LOC128092253: variants seen among roughly 807,000 people sequenced by gnomAD.
At chr6:133,975,638 A>G in the LOC128092253 span, among the ~76,000 whole-genome samples, 2 of 152,230 alleles carry the variant, frequency 1.3e-5, no homozygotes, top group African/African-American at 4.8e-5. Flanking sequence ...CAATAACTAA[A>G]TGAAGTATTA....
At chr6:133,963,691 G>T in the LOC128092253 span, among the ~76,000 whole-genome samples, 2 of 151,902 alleles carry the variant, frequency 1.3e-5, no homozygotes, top group Non-Finnish European at 2.9e-5. Flanking sequence ...AAAGTGCTGG[G>T]ATTACAGGCA....
chr6:133,962,191 T>C, the LOC128092253 span, among the ~76,000 whole-genome samples: 6 of 152,226 alleles, frequency 3.9e-5, no homozygotes, highest in Admixed American at 3.3e-4. Flanking sequence ...GGGTGGGAAG[T>C]CCACTGCATT....
At chr6:133,961,610 G>C in the LOC128092253 span, among the ~76,000 whole-genome samples, 1 of 151,776 alleles carries the variant, frequency 6.6e-6, no homozygotes, top group African/African-American at 2.4e-5. Flanking sequence ...TGGGATTACA[G>C]GTGCACATCA....
At chr6:133,976,286 G>A in the LOC128092253 span, among the ~76,000 whole-genome samples, 1 of 152,108 alleles carries the variant, frequency 6.6e-6, no homozygotes, top group African/African-American at 2.4e-5. Flanking sequence ...AGTTTGAAAT[G>A]TTCGATTTCA....
chr6:133,956,279 A>G, the LOC128092253 span, among the ~76,000 whole-genome samples: 33 of 152,180 alleles, frequency 2.2e-4, 1 homozygote, highest in Non-Finnish European at 7.4e-5. Flanking sequence ...TGACATTCGA[A>G]CTAATAAAGA....
the LOC128092253 span, among the ~76,000 whole-genome samples, chr6:133,977,627 T>C: frequency 6.6e-6 from 1 of 152,236 alleles, no homozygotes; most frequent in Non-Finnish European, 1.5e-5. Context: ...AGTTGCCTTG[T>C]GGTAGCTTAT....
the LOC128092253 span, among the ~76,000 whole-genome samples, chr6:133,957,899 G>T: frequency 6.6e-6 from 1 of 152,330 alleles, no homozygotes; most frequent in Admixed American, 6.5e-5. Flanking sequence ...TTATTTTAAA[G>T]GTGAACTGTT....
At chr6:133,965,123 T>C in the LOC128092253 span, among the ~76,000 whole-genome samples, 137 of 152,350 alleles carry the variant, frequency 9.0e-4, no homozygotes, top group Middle Eastern at 0.01. Context: ...TTTACACTTG[T>C]AAATGAAACT....
chr6:133,958,608 A>G, the LOC128092253 span, among the ~76,000 whole-genome samples: 6 of 152,172 alleles, frequency 3.9e-5, no homozygotes, highest in African/African-American at 9.7e-5. Context: ...TTAAGTCCAA[A>G]TGTTTTAGTT....
At chr6:133,977,777 AG>A in the LOC128092253 span, among the ~76,000 whole-genome samples, 2 of 147,218 alleles carry the variant, frequency 1.4e-5, no homozygotes, top group African/African-American at 5.3e-5. Context: ...TCACAGCGTC[AG>A]GGGCCAGGCT....
At chr6:133,956,611 CGTT>C in the LOC128092253 span, among the ~76,000 whole-genome samples, 1 of 152,112 alleles carries the variant, frequency 6.6e-6, no homozygotes, top group African/African-American at 2.4e-5. Context: ...TTGAAGATTA[CGTT>C]GTTAATAGAA....
the LOC128092253 span, among the ~76,000 whole-genome samples, chr6:133,954,501 A>C: frequency 6.6e-6 from 1 of 152,244 alleles, no homozygotes; most frequent in Non-Finnish European, 1.5e-5. Context: ...TGGTATGCCC[A>C]GTGAAATATC....
the LOC128092253 span, among the ~76,000 whole-genome samples, chr6:133,958,878 T>A: frequency 6.6e-6 from 1 of 152,218 alleles, no homozygotes; most frequent in African/African-American, 2.4e-5. Context: ...TTCAGCTGGT[T>A]TTTATAAGCT....
At chr6:133,965,840 C>T in the LOC128092253 span, among the ~76,000 whole-genome samples, 3 of 152,108 alleles carry the variant, frequency 2.0e-5, no homozygotes, top group Non-Finnish European at 4.4e-5. Context: ...ATAATAGTAA[C>T]AATAAGAACA....
chr6:133,969,049 A>G, the LOC128092253 span: 1 of 152,194 alleles, frequency 6.6e-6, no homozygotes, highest in African/African-American at 2.4e-5. Context: ...AAACATTATT[A>G]AGATGAGACA....
chr6:133,954,840 T>TATTA, the LOC128092253 span, among the ~76,000 whole-genome samples: 2 of 152,156 alleles, frequency 1.3e-5, no homozygotes, highest in Admixed American at 6.5e-5. Flanking sequence ...TCTAGTGACC[T>TATTA]ATTACTATGT....
chr6:133,971,258 AT>A, the LOC128092253 span, among the ~76,000 whole-genome samples: 1 of 152,120 alleles, frequency 6.6e-6, no homozygotes. Context: ...AACGTCACAA[AT>A]GACAAGATTT....
At chr6:133,956,452 A>G in the LOC128092253 span, among the ~76,000 whole-genome samples, 12 of 152,310 alleles carry the variant, frequency 7.9e-5, no homozygotes, top group East Asian at 2.3e-3. Context: ...AGACACAAAT[A>G]TGAATTTTAA....
chr6:133,973,309 T>C, the LOC128092253 span, among the ~76,000 whole-genome samples: 1 of 152,216 alleles, frequency 6.6e-6, no homozygotes, highest in African/African-American at 2.4e-5. Context: ...TCTTAGATCA[T>C]AGATGGTAAT....
Sources: gnomAD v4.1 joint callset for allele counts (sites outside exome capture counted in the v4.1 genomes callset) on GRCh38, gnomAD v4.1.1 for gene constraint, MANE v1.5 for transcripts.